The following EFCAB7 variants were observed in gnomAD, a reference collection of about 807,000 sequenced individuals.
EFCAB7 encodes EF-hand calcium-binding domain-containing protein 7.
EFCAB7 carries 66 observed loss-of-function variants against 77.1 expected under a neutral mutation model. The ratio of observed to expected loss-of-function variants is 0.86; its 90% CI spans 0.70 to 1.05. EFCAB7 has a LOEUF of 1.05. Ranked by LOEUF, EFCAB7 falls within the 50% of genes least tolerant of loss-of-function variation. The pLI is 0.00. For synonymous variants in EFCAB7, 225 were observed against 243.3 expected (o/e 0.92, Z 0.70); for missense variants, 638 against 730.5 (o/e 0.87, Z 1.46).
intron 7 of EFCAB7, among the ~76,000 whole-genome samples, chr1:63,551,331 G>T (rs540345389): frequency 6.6e-6 from 1 of 152,286 alleles, no homozygotes; most frequent in South Asian, 2.1e-4. Context: ...GGTGGCTCAC[G>T]CCTGTAATCC....
Position 63,572,524 on chromosome 1 carries a change from T to C in EFCAB7, c.*8T>C, listed in dbSNP as rs373292633. ...TATTCTCTTATTTCTTAAATAATTATACTTAGAACTTACCAAACTAAGAAT... is the reference window on the plus strand; with the variant it reads ...TATTCTCTTATTTCTTAAATAATTACACTTAGAACTTACCAAACTAAGAAT... On this transcript the variant is annotated 3_prime_UTR_variant, in exon 14 of 14. Transcript: ENST00000371088. 7.6e-5 allele frequency: 109 copies of C among 1,440,164 alleles called. 1 individual carries two copies. The Middle Eastern group carries it at 1.4e-3, about 18-fold the overall frequency. The allele number at this position is 1,440,164 out of a possible 1,614,324, so 89.2% of individuals were successfully genotyped here.
chr1:63,573,955 G>T (rs1172628137), downstream of EFCAB7, among the ~76,000 whole-genome samples: 1 of 152,128 alleles, frequency 6.6e-6, no homozygotes, highest in Non-Finnish European at 1.5e-5. Context: ...GTCAGTTATC[G>T]GATTGTATAG....
chr1:63,565,529 A>G (rs1399251925), intron 11 of EFCAB7, among the ~76,000 whole-genome samples: 1 of 152,174 alleles, frequency 6.6e-6, no homozygotes, highest in Non-Finnish European at 1.5e-5. Flanking sequence ...GCAAAAATTG[A>G]TAAATGGGAT....
chr1:63,556,363 A>AAT (rs1022693036), intron 9 of EFCAB7, among the ~76,000 whole-genome samples: 1 of 152,138 alleles, frequency 6.6e-6, no homozygotes, highest in African/African-American at 2.4e-5. Context: ...GTACACCATA[A>AAT]ATATATATAT....
chr1:63,534,862 T>A (rs556387577), intron 6 of EFCAB7, among the ~76,000 whole-genome samples: 26 of 152,210 alleles, frequency 1.7e-4, no homozygotes, highest in African/African-American at 4.8e-4. Context: ...CTGTATTTGT[T>A]ATTGAACTCT....
At position 63,545,721 on chromosome 1, in the gene EFCAB7, G is replaced by A. The variant is rs1039595638; in HGVS notation, c.805-195G>A. On this transcript the variant is annotated intron_variant, in intron 6 of 13. Coordinates refer to ENST00000371088, the MANE Select transcript of EFCAB7 (RefSeq NM_032437.4). ...CTCCCAAAGTGCTGGGATTACAGGC[G>A]TGAGCCACCATGCCCTGTGTATAAT... 5.3e-5 allele frequency among the ~76,000 whole-genome samples: 8 copies of A among 152,190 alleles called. No individual in the cohort carries two copies. The East Asian group carries it at 5.8e-4, about 11-fold the overall frequency.
intron 11 of EFCAB7, among the ~76,000 whole-genome samples, chr1:63,563,173 A>G (rs988891703): frequency 2.0e-5 from 3 of 152,196 alleles, no homozygotes; most frequent in African/African-American, 7.2e-5. Context: ...AAGACTTTTT[A>G]CCACAGTTAC....
chr1:63,542,313 C>T (rs2100888741), intron 6 of EFCAB7, among the ~76,000 whole-genome samples: 1 of 152,216 alleles, frequency 6.6e-6, no homozygotes, highest in South Asian at 2.1e-4. Context: ...AATAATATTC[C>T]CTTGTATGTA....
chr1:63,550,397 G>A (rs1249966430), intron 7 of EFCAB7: 1 of 152,012 alleles, frequency 6.6e-6, no homozygotes, highest in Non-Finnish European at 1.5e-5. Context: ...TAACTATACA[G>A]TAGTTTAAGT....
At chr1:63,536,119 A>T (rs1302079100) in intron 6 of EFCAB7, among the ~76,000 whole-genome samples, 2 of 152,182 alleles carry the variant, frequency 1.3e-5, no homozygotes, top group Non-Finnish European at 2.9e-5. Context: ...AAAAGGTACT[A>T]AGATAATTTA....
intron 6 of EFCAB7, among the ~76,000 whole-genome samples, chr1:63,537,248 T>TGCTAA (rs1253825197): frequency 1.3e-5 from 2 of 152,196 alleles, no homozygotes; most frequent in Non-Finnish European, 2.9e-5. Flanking sequence ...TCACCTTCCT[T>TGCTAA]GCTAAGACCA....
chr1:63,551,643 C>A (rs1570418468), intron 7 of EFCAB7, 82 bp from the exon 8 acceptor site: 2 of 522,626 alleles, frequency 3.8e-6, no homozygotes, highest in Non-Finnish European at 3.0e-6. Context: ...CAAGAAGAAA[C>A]TAGTAACTTA....
chr1:63,531,426 A>T (rs1221587278), intron 2 of EFCAB7, among the ~76,000 whole-genome samples: 2 of 152,018 alleles, frequency 1.3e-5, no homozygotes, highest in Admixed American at 6.6e-5. Context: ...ACTAATTTAT[A>T]CTTTTTGTGT....
downstream of EFCAB7, among the ~76,000 whole-genome samples, chr1:63,575,338 T>C (rs1647381891): frequency 6.6e-6 from 1 of 152,074 alleles, no homozygotes; most frequent in African/African-American, 2.4e-5. Context: ...TTTTAAAATC[T>C]TTTTGGTTTA....
downstream of EFCAB7, among the ~76,000 whole-genome samples, chr1:63,574,483 A>G (rs967028515): frequency 6.6e-6 from 1 of 152,286 alleles, no homozygotes; most frequent in Admixed American, 6.5e-5. Context: ...GAAAACTGCC[A>G]TGAGGGATAG....
chr1:63,548,240 TAGG>T (rs2100899336), intron 7 of EFCAB7: 1 of 152,348 alleles, frequency 6.6e-6, no homozygotes. Flanking sequence ...GAGAGAGTTG[TAGG>T]AGATGAAACC....
intron 6 of EFCAB7, among the ~76,000 whole-genome samples, chr1:63,538,264 A>G (rs1646786154): frequency 6.6e-6 from 1 of 152,094 alleles, no homozygotes; most frequent in South Asian, 2.1e-4. Flanking sequence ...TCAAAACTCA[A>G]CCTTCTTTCA....
chr1:63,548,714 T>C (rs1041137438), intron 7 of EFCAB7: 4 of 152,232 alleles, frequency 2.6e-5, no homozygotes, highest in Non-Finnish European at 4.4e-5. Context: ...TTTAAGCTTA[T>C]AGTTGTCCTG....
intron 7 of EFCAB7, chr1:63,548,876 A>G (rs1330209724): frequency 6.5e-6 from 1 of 153,364 alleles, no homozygotes; most frequent in Non-Finnish European, 1.5e-5. Flanking sequence ...ATATTTTAAC[A>G]AGAGCAGTTA....
Sources: gnomAD v4.1 joint callset for allele counts (sites outside exome capture counted in the v4.1 genomes callset) on GRCh38, gnomAD v4.1.1 for gene constraint, MANE v1.5 for transcripts, NCBI Gene and HGNC (gene_info 2026-07-23, HGNC 2026-07-21) for gene names.